Variants in ZSCAN18 observed in about 807,000 individuals in gnomAD.
The protein encoded by ZSCAN18 is zinc finger and SCAN domain containing 18.
A neutral mutation model predicts 31.1 loss-of-function variants in ZSCAN18; 16 were observed. That is an observed-to-expected ratio of 0.51 (90% CI 0.35 to 0.78). The LOEUF (loss-of-function observed/expected upper bound fraction) is 0.78, where lower values mean the gene tolerates loss of function less well. Among genes scored for constraint, ZSCAN18 ranks in the 30% least tolerant of loss-of-function variants. ZSCAN18 has a pLI of 0.01. For missense variants in ZSCAN18, 731 were observed against 697.4 expected (o/e 1.05, Z -0.54); for synonymous variants, 375 against 320.7 (o/e 1.17, Z -1.81).
intron 5 of ZSCAN18, 133 bp from the exon 6 acceptor site, chr19:58,086,399 C>T (rs1338432298): frequency 2.8e-6 from 2 of 723,960 alleles, no homozygotes; most frequent in Non-Finnish European, 4.6e-6. Flanking sequence ...CCACCAAGGC[C>T]ACCTCCCTGT....
At position 58,090,306 on chromosome 19, in the gene ZSCAN18, A is replaced by T; in HGVS notation, c.-39T>A. On this transcript the variant is annotated 5_prime_UTR_variant, in exon 2 of 7. Transcript: ENST00000601144. This position sits in a 1 kb window ranked among gnomAD's most constrained non-coding sequence, Gnocchi z 4.7. ...CACTGGAAAATGTGACTGTCTAGCC[A>T]GGGACAAGGTGGCTCCAAAGGAGAG... is the stretch of plus-strand genomic sequence containing the variant. 6.2e-7 allele frequency: 1 copy of T among 1,613,378 alleles called. No homozygotes were observed. The highest frequency in any genetic ancestry group is 8.5e-7 in the Non-Finnish European group (1 of 1,179,936).
chr19:58,098,892 TAGA>T (rs1487363602), upstream of ZSCAN18, among the ~76,000 whole-genome samples: 1 of 152,076 alleles, frequency 6.6e-6, no homozygotes, highest in Non-Finnish European at 1.5e-5. Flanking sequence ...AAGGAGTGGA[TAGA>T]ACTCAAAGAT....
At chr19:58,098,246 G>T, upstream of ZSCAN18, 1 of 985,500 alleles carries the variant, frequency 1.0e-6, no homozygotes, top group Non-Finnish European at 1.2e-6. Flanking sequence ...GGCAAACTGC[G>T]CCTGCGCACT....
intron 1 of ZSCAN18, among the ~76,000 whole-genome samples, chr19:58,110,312 C>G (rs1053275156): frequency 1.3e-5 from 2 of 152,178 alleles, no homozygotes; most frequent in African/African-American, 4.8e-5. Flanking sequence ...ACTCTCCTCT[C>G]CACTCCCATT....
At chr19:58,091,503 G>A (rs3892385) in intron 1 of ZSCAN18, among the ~76,000 whole-genome samples, 7,703 of 150,956 alleles carry the variant, frequency 0.051, 267 homozygotes, top group African/African-American at 0.1. Context: ...AGAACCAGGC[G>A]GGAGGGGCAG....
chr19:58,100,577 C>A (rs1224915547), upstream of ZSCAN18, among the ~76,000 whole-genome samples: 5 of 152,122 alleles, frequency 3.3e-5, no homozygotes, highest in Non-Finnish European at 7.3e-5. Flanking sequence ...TCACAAAATT[C>A]CAAGGCTTTT....
chr19:58,087,519 C>A, intron 3 of ZSCAN18, 115 bp from the exon 4 acceptor site: 2 of 885,420 alleles, frequency 2.3e-6, no homozygotes, highest in Non-Finnish European at 1.7e-6. Context: ...TCTGTGACAG[C>A]AGCACCCAAG....
upstream of ZSCAN18, among the ~76,000 whole-genome samples, chr19:58,101,128 T>A (rs1254802291): frequency 7.4e-6 from 1 of 135,102 alleles, no homozygotes; most frequent in South Asian, 2.4e-4. Context: ...CCTCCCACTT[T>A]TTTTTTTTTT....
At chr19:58,098,277 A>C, upstream of ZSCAN18, 1 of 985,412 alleles carries the variant, frequency 1.0e-6, no homozygotes. Context: ...GCGGACTACG[A>C]CTCCCACAAT....
intron 1 of ZSCAN18, chr19:58,109,299 C>T: frequency 1.6e-6 from 2 of 1,231,594 alleles, no homozygotes; most frequent in Non-Finnish European, 2.0e-6. Context: ...CTTTTGTTTC[C>T]CAGGCTGGAA....
intron 1 of ZSCAN18, among the ~76,000 whole-genome samples, chr19:58,113,708 G>C (rs2074706919): frequency 2.0e-5 from 3 of 152,210 alleles, no homozygotes; most frequent in Admixed American, 2.0e-4. Context: ...GCTGGACGCA[G>C]TGGCTCACGA....
chr19:58,087,401 C>T lies in ZSCAN18; in HGVS notation c.557G>A (p.Trp186Ter). ...GEIPAPSETP[W>*]LSPDPLFLEQ... ...CAGAAACAGGGGGTCCGGAGAAAGC[C>T]AGGCTGGGGAGAAGGAGAGGCAGAG... The change falls in exon 4 of 7, where the codon TGG (tryptophan) becomes TAG (stop). Residue 186 changes from tryptophan (W) to a stop codon, truncating the protein, a stop_gained. Transcript: ENST00000601144. LOFTEE classifies it high-confidence loss of function. The T allele has an allele frequency of 6.3e-7, 1 of 1,598,338 alleles. No homozygotes were observed. Among genetic ancestry groups the T allele is most frequent in the Admixed American group, 1.7e-5 (1 of 57,904 alleles).
At chr19:58,101,955 G>A (rs146858238), upstream of ZSCAN18, among the ~76,000 whole-genome samples, 2 of 151,788 alleles carry the variant, frequency 1.3e-5, no homozygotes, top group Non-Finnish European at 1.5e-5. Flanking sequence ...TCCTATATAG[G>A]CCTTCTAAGC....
chr19:58,100,443 T>G (rs1599999124), upstream of ZSCAN18, among the ~76,000 whole-genome samples: 1 of 152,290 alleles, frequency 6.6e-6, no homozygotes, highest in African/African-American at 2.4e-5. Flanking sequence ...GGTCCATACC[T>G]TCTTTAAGGT....
At chr19:58,118,035 C>G (rs2074746286) in intron 1 of ZSCAN18, among the ~76,000 whole-genome samples, 2 of 152,102 alleles carry the variant, frequency 1.3e-5, no homozygotes, top group Admixed American at 6.5e-5. Flanking sequence ...TTAGGGGGTC[C>G]GCGCCCGGCG....
At chr19:58,111,574 A>C in intron 1 of ZSCAN18, among the ~76,000 whole-genome samples, 1 of 151,860 alleles carries the variant, frequency 6.6e-6, no homozygotes, top group Non-Finnish European at 1.5e-5. Flanking sequence ...TATGTTGTCC[A>C]GGCTGGTCAT....
intron 1 of ZSCAN18, among the ~76,000 whole-genome samples, chr19:58,094,913 C>T (rs1287917934): frequency 6.9e-6 from 1 of 144,908 alleles, no homozygotes; most frequent in East Asian, 2.0e-4. Context: ...AAAAATTAGC[C>T]AGGCGTGGTG....
At chr19:58,107,872 G>A in intron 1 of ZSCAN18, 2 of 1,058,398 alleles carry the variant, frequency 1.9e-6, no homozygotes, top group Non-Finnish European at 2.3e-6. Context: ...ACCTTCTTGT[G>A]CTTGGTCAGA....
intron 1 of ZSCAN18, among the ~76,000 whole-genome samples, chr19:58,107,368 C>T (rs1249968269): frequency 6.6e-6 from 1 of 151,680 alleles, no homozygotes; most frequent in South Asian, 2.1e-4. Flanking sequence ...ACCAGCCTGA[C>T]CAACATGGTG....
Sources: allele counts gnomAD v4.1 joint callset (sites outside exome capture counted in the v4.1 genomes callset), GRCh38; gene constraint gnomAD v4.1.1; non-coding constraint Gnocchi (gnomAD v3.1); transcripts MANE v1.5; gene names NCBI Gene and HGNC (gene_info 2026-07-23, HGNC 2026-07-21).